BMP1: variants seen among roughly 807,000 people sequenced by gnomAD.
BMP1 encodes the protein bone morphogenetic protein 1.
A neutral mutation model predicts 116.8 loss-of-function variants in BMP1; 63 were observed. The ratio of observed to expected loss-of-function variants is 0.54; its 90% CI spans 0.44 to 0.67. The LOEUF is 0.67. Among genes scored for constraint, BMP1 ranks in the 30% least tolerant of loss-of-function variants. The pLI, the probability that BMP1 is intolerant of heterozygous loss-of-function variation, is 0.00. For missense variants in BMP1, 1,183 were observed against 1,358.9 expected, an observed-to-expected ratio of 0.87 and a Z score of 2.04; for synonymous variants, 536 against 533.4, an observed-to-expected ratio of 1.00 and a Z score of -0.07.
intron 8 of BMP1, among the ~76,000 whole-genome samples, chr8:22,190,621 G>A (rs1263875898): frequency 6.6e-6 from 1 of 152,220 alleles, no homozygotes; most frequent in Non-Finnish European, 1.5e-5. Flanking sequence ...GAGCGGCCAA[G>A]AAGTGGGAAG....
chr8:22,204,282 C>T (rs577714350), intron 16 of BMP1, among the ~76,000 whole-genome samples: 2 of 152,318 alleles, frequency 1.3e-5, no homozygotes, highest in Non-Finnish European at 2.9e-5. Context: ...CCTGCCTCTA[C>T]CAGGGACTTG....
intron 5 of BMP1, chr8:22,177,610 A>G: frequency 1.3e-6 from 1 of 756,836 alleles, no homozygotes; most frequent in African/African-American, 1.7e-5. Flanking sequence ...GTGGCTCTAG[A>G]AATGGTGCTT....
Position 22,194,395 on chromosome 8 carries a change from A to G in BMP1, c.1298-50A>G. 2.5e-6 allele frequency: 4 copies of G among 1,608,148 alleles called. No homozygotes were observed. The highest frequency in any genetic ancestry group is 1.3e-5 in the African/African-American group (1 of 74,918). On this transcript the variant is annotated intron_variant, in intron 10 of 19. Coordinates refer to ENST00000306385, the MANE Select transcript of BMP1 (RefSeq NM_006129.5). The surrounding 1 kb of genome is among the most constrained non-coding windows in gnomAD (Gnocchi z 4.5). ...GGGGAAAAGAGCTCCCTAGCAGGGC[A>G]AAGCATGCTGACTCACCACCCCTTC...
In BMP1 at chr8:22,206,999, C is replaced by A. The variant is rs746909144; in HGVS notation, c.2361+18C>A. 1 of 1,613,538 alleles carries A rather than the reference C, an allele frequency of 6.2e-7. No individual in the cohort carries two copies. On this transcript the variant is annotated intron_variant, in intron 17 of 19. Coordinates refer to ENST00000306385, the MANE Select transcript of BMP1 (RefSeq NM_006129.5). ...TCAAGCTGGTAAGGGGTCCCCTCCC[C>A]ACTCCTTATGCGGTGTGGCTGCCCC...
In BMP1 at chr8:22,176,234, C is replaced by A. The variant is rs779984750; in HGVS notation, c.354C>A (p.Ser118Arg). Residue 118 changes from serine to arginine, a missense_variant, in exon 3 of 20, where the codon AGC becomes AGA. Around this residue, in one of 4 missense-constraint regions of BMP1, gnomAD observed 185 missense variants for 158.9 expected, o/e 1.16. Coordinates refer to ENST00000306385, the MANE Select transcript of BMP1 (RefSeq NM_006129.5). ...ACGRWRGRSRSRRAATSRPER... is the reference protein window; with the variant it reads ...ACGRWRGRSRRRRAATSRPER... ...GGAGATGGAGAGGTAGATCCCGTAG[C>A]CGGCGGGCGGCGACGTCCCGACCAG... 6.2e-6 allele frequency: 10 copies of A among 1,613,926 alleles called. No homozygotes were observed. The highest frequency in any genetic ancestry group is 8.5e-6 in the Non-Finnish European group (10 of 1,179,952).
Position 22,176,155 on chromosome 8 carries a change from C to G in BMP1, c.275C>G (p.Thr92Ser). The G allele has an allele frequency of 1.2e-6, 2 of 1,614,184 alleles. No individual in the cohort carries two copies. Among genetic ancestry groups the G allele is most frequent in the Non-Finnish European group, 1.7e-6 (2 of 1,180,030 alleles). ...CTTCCTCTCTCAGTTCCAGGAAACACTTCTACCCCCAGCTGCCAGAGCACC... is the reference window on the plus strand; with the variant it reads ...CTTCCTCTCTCAGTTCCAGGAAACAGTTCTACCCCCAGCTGCCAGAGCACC... ...SSIKAAVPGN[T>S]STPSCQSTNG... Residue 92 changes from threonine to serine, a missense_variant, in exon 3 of 20, where the codon ACT becomes AGT. Physicochemically the swap from Thr to Ser is moderately conservative, Grantham distance 58. Coordinates refer to ENST00000306385, the MANE Select transcript of BMP1 (RefSeq NM_006129.5).
chr8:22,210,298 A>C (rs1586477676), intron 19 of BMP1, among the ~76,000 whole-genome samples: 1 of 151,724 alleles, frequency 6.6e-6, no homozygotes, highest in East Asian at 1.9e-4. Context: ...CTTTTCCCTA[A>C]GGACATGGGC....
Position 22,207,513 on chromosome 8 carries a change from A to G in BMP1, c.2572A>G (p.Thr858Ala), listed in dbSNP as rs1326937971. The change falls in exon 18 of 20, where the codon ACA becomes GCA. Residue 858 changes from threonine to alanine, a missense_variant. Coordinates refer to ENST00000306385, the MANE Select transcript of BMP1 (RefSeq NM_006129.5). ...QRKGFQASHA[T>A]ECGGQVRADV... ...AAAGGGCTTCCAGGCCTCCCACGCC[A>G]CAGGTACTGTCCCCGGTTGTGGGAG... The G allele has an allele frequency of 6.2e-7, 1 of 1,613,056 alleles. No homozygotes were observed. Among genetic ancestry groups the G allele is most frequent in the South Asian group, 1.1e-5 (1 of 91,088 alleles).
intron 4 of BMP1, 47 bp from the exon 5 acceptor site, chr8:22,176,914 A>C (rs770213254): frequency 6.9e-6 from 10 of 1,456,076 alleles, no homozygotes; most frequent in Non-Finnish European, 8.3e-6. Flanking sequence ...GAGTGGATGC[A>C]CTCCCCCAGC....
At chr8:22,174,347 C>T (rs1011019443) in intron 2 of BMP1, among the ~76,000 whole-genome samples, 1 of 152,172 alleles carries the variant, frequency 6.6e-6, no homozygotes, top group Non-Finnish European at 1.5e-5. Context: ...AGGATTTGCT[C>T]CTATGTCTCC....
At chr8:22,204,312 G>A (rs915059813) in intron 16 of BMP1, among the ~76,000 whole-genome samples, 2 of 152,266 alleles carry the variant, frequency 1.3e-5, no homozygotes, top group Middle Eastern at 3.4e-3. Context: ...TGTTTTCCGG[G>A]CCCTCGTGCT....
intron 16 of BMP1, among the ~76,000 whole-genome samples, chr8:22,203,585 C>T (rs1321471899): frequency 6.6e-6 from 1 of 152,116 alleles, no homozygotes; most frequent in Non-Finnish European, 1.5e-5. Context: ...AAAATGATAC[C>T]TACCTTGCAG....
chr8:22,190,814 C>T (rs1402009296), intron 8 of BMP1, among the ~76,000 whole-genome samples: 3 of 152,140 alleles, frequency 2.0e-5, no homozygotes, highest in South Asian at 2.1e-4. Context: ...TAAGAAGGTA[C>T]AAGGGAGGCA....
At chr8:22,201,761 C>T in intron 15 of BMP1, 42 bp from the exon 16 acceptor site, 1 of 1,608,812 alleles carries the variant, frequency 6.2e-7, no homozygotes, top group South Asian at 1.1e-5. Context: ...CAACCTCAGC[C>T]CTGCACAGAC....
intron 1 of BMP1, chr8:22,169,858 A>G (rs1392968936): frequency 1.3e-5 from 2 of 152,232 alleles, no homozygotes; most frequent in Admixed American, 6.5e-5. Flanking sequence ...GGGCTCAGCC[A>G]CAGTGCTCCT....
intron 15 of BMP1, chr8:22,201,571 ATCC>A (rs1167603735): frequency 7.9e-6 from 11 of 1,398,180 alleles, no homozygotes; most frequent in Non-Finnish European, 9.3e-6. Flanking sequence ...TCGGACCCCC[ATCC>A]TCCTCTCCCC....
intron 8 of BMP1, among the ~76,000 whole-genome samples, chr8:22,190,237 T>C (rs1260717775): frequency 6.6e-6 from 1 of 152,236 alleles, no homozygotes; most frequent in African/African-American, 2.4e-5. Context: ...TAGTGTGCTT[T>C]TCAAAAACAT....
rs112808665 is a variant in BMP1 at position 22,185,031 on chromosome 8, G to A, written c.1077+4548G>A. ...GTCATGGGTATGTCAAAGTAAAAGA[G>A]CCACCTGGAAAGCCTTCTTTTTGGA... On this transcript the variant is annotated intron_variant, in intron 8 of 19. Transcript: ENST00000306385. Among the ~76,000 whole-genome samples, 416 of 152,320 alleles carry A rather than the reference G, an allele frequency of 2.7e-3. 3 individuals are homozygous for A. Among genetic ancestry groups the A allele is most frequent in the African/African-American group, 9.7e-3 (401 of 41,554 alleles).
Position 22,177,072 on chromosome 8 carries a change from C to T in BMP1, c.663C>T (p.Phe221=). The change falls in exon 5 of 20, where the codon TTC becomes TTT. Residue 221 remains phenylalanine (F), a synonymous_variant. Coordinates refer to ENST00000306385, the MANE Select transcript of BMP1 (RefSeq NM_006129.5). ...VVHELGHVVG[F]WHEHTRPDRD... ...ACGAGCTGGGCCACGTCGTCGGCTT[C>T]TGGCACGAACACACTCGGCCAGACC... The T allele has an allele frequency of 6.2e-7, 1 of 1,612,538 alleles. No individual in the cohort carries two copies. Among genetic ancestry groups the T allele is most frequent in the Non-Finnish European group, 8.5e-7 (1 of 1,179,416 alleles).
Sources: gnomAD v4.1 joint callset for allele counts (sites outside exome capture counted in the v4.1 genomes callset) on GRCh38, gnomAD v4.1.1 for gene constraint, gnomAD v4.1.1 regional missense constraint, Gnocchi (gnomAD v3.1) non-coding constraint, MANE v1.5 for transcripts, NCBI Gene and HGNC (gene_info 2026-07-23, HGNC 2026-07-21) for gene names.